DBNL: variants seen among roughly 807,000 people sequenced by gnomAD.
DBNL encodes the protein drebrin-like protein.
Under a neutral mutation model 62.2 loss-of-function variants are expected in DBNL, and 35 were observed. The observed-to-expected ratio is 0.56, with a 90% CI of 0.43 to 0.75. DBNL has a LOEUF of 0.75. Ranked by LOEUF, DBNL falls within the 30% of genes least tolerant of loss-of-function variation. The pLI, the probability that DBNL is intolerant of heterozygous loss-of-function variation, is 0.00. For missense variants in DBNL, 495 were observed against 578.4 expected (o/e 0.86, Z 1.48); for synonymous variants, 197 against 218.0 (o/e 0.90, Z 0.85).
chr7:44,054,741 T>G (rs951130774), intron 4 of DBNL, among the ~76,000 whole-genome samples: 2 of 152,228 alleles, frequency 1.3e-5, no homozygotes, highest in East Asian at 3.8e-4. Flanking sequence ...TTCCTTCTAT[T>G]TAACTGTACT....
rs2096153097 is a variant in DBNL at position 44,063,488 on chromosome 7, C to T, written c.*2572C>T. 1 of 184,344 alleles carries T rather than the reference C, an allele frequency of 5.4e-6. No homozygotes were observed. Among genetic ancestry groups the T allele is most frequent in the Non-Finnish European group, 1.2e-5 (1 of 86,222 alleles). 11.4% of individuals were successfully genotyped at this position (184,344 alleles called of 1,614,324 possible). ...TAGAAACGGGTTTTACCATGTTGGT[C>T]AGGCTGGTCTCAAACTCCTGACCTC... On this transcript the variant is annotated 3_prime_UTR_variant, in exon 13 of 13. Coordinates refer to ENST00000448521, the MANE Select transcript of DBNL (RefSeq NM_001014436.3).
rs1376604571 is a variant in DBNL, at chr7:44,067,959, G to A, written c.*7043G>A. ...AAGAGCTCCAGGAAGAATCAGAGGA[G>A]TGGGATGTGAAGCCCCTCGAAGTCA... On this transcript the variant is annotated 3_prime_UTR_variant, in exon 13 of 13. Coordinates refer to ENST00000448521, the MANE Select transcript of DBNL (RefSeq NM_001014436.3). 1 of 152,242 alleles carries A rather than the reference G, an allele frequency of 6.6e-6. No homozygotes were observed. Among genetic ancestry groups the A allele is most frequent in the East Asian group, 1.9e-4 (1 of 5,200 alleles). The allele number at this position is 152,242 out of a possible 1,614,324, so 9.4% of individuals were successfully genotyped here.
Position 44,064,759 on chromosome 7 carries a change from A to G in DBNL, c.*3843A>G. The G allele has an allele frequency of 1.5e-6, 2 of 1,335,880 alleles. No individual in the cohort carries two copies. The highest frequency in any genetic ancestry group is 1.0e-6 in the Non-Finnish European group (1 of 962,362). The allele number at this position is 1,335,880 out of a possible 1,614,324, so 82.8% of individuals were successfully genotyped here. A position where few individuals can be genotyped will look rare whatever the true frequency, so the allele number is the denominator to read the frequency against. ...AGAAAGCCTGGTCCATGGGCGAGAG[A>G]CTTTGCTGAGATGAGAAGCCAGCTG... On this transcript the variant is annotated 3_prime_UTR_variant, in exon 13 of 13. Transcript: ENST00000448521.
intron 5 of DBNL, among the ~76,000 whole-genome samples, chr7:44,057,364 C>T (rs978789286): frequency 2.6e-5 from 4 of 152,226 alleles, no homozygotes; most frequent in Admixed American, 6.5e-5. Context: ...CTGGGAGCTG[C>T]GTCCGCATGC....
rs759827542 is a variant in DBNL at position 44,065,440 on chromosome 7, C to A, written c.*4524C>A. ...TGGCCTCCTCGGTCCCCTTTTCACT[C>A]AGCTCTGCATCGAACCAGCCACAGA... On this transcript the variant is annotated 3_prime_UTR_variant, in exon 13 of 13. Transcript: ENST00000448521. 6.2e-7 allele frequency: 1 copy of A among 1,614,126 alleles called. No individual in the cohort carries two copies. Among genetic ancestry groups the A allele is most frequent in the South Asian group, 1.1e-5 (1 of 91,080 alleles).
In DBNL at chr7:44,065,249, C is replaced by T. The variant is rs1438105988; in HGVS notation, c.*4333C>T. On this transcript the variant is annotated 3_prime_UTR_variant, in exon 13 of 13. Coordinates refer to ENST00000448521, the MANE Select transcript of DBNL (RefSeq NM_001014436.3). ...TTCTGCCTTGTTGAGGCCTGTGAGG[C>T]CCCCGTAATGCCGCTCATTGAGGCG... 6.9e-5 allele frequency: 111 copies of T among 1,613,700 alleles called. No individual in the cohort carries two copies. Among genetic ancestry groups the T allele is most frequent in the Non-Finnish European group, 8.7e-5 (103 of 1,180,054 alleles).
intron 1 of DBNL, 149 bp downstream of exon 1, chr7:44,044,969 C>G (rs969075011): frequency 4.9e-5 from 33 of 679,928 alleles, no homozygotes; most frequent in Non-Finnish European, 4.5e-5. Context: ...TGCCCCTCCA[C>G]ACCGCAGCAG....
At chr7:44,052,978 C>A in intron 4 of DBNL, 37 bp downstream of exon 4, 1 of 1,600,858 alleles carries the variant, frequency 6.2e-7, no homozygotes, top group Non-Finnish European at 8.5e-7. Context: ...TGGGAACAGG[C>A]CTCACAGGCT....
At position 44,056,765 on chromosome 7, in the gene DBNL, T is replaced by C. The variant is rs1277071233; in HGVS notation, c.336T>C (p.His112=). Residue 112 remains histidine, a synonymous_variant, in exon 5 of 13, where the codon CAT becomes CAC. Coordinates refer to ENST00000448521, the MANE Select transcript of DBNL (RefSeq NM_001014436.3). ...TGCTGCTCCTGCTGCAGGGGGCCCA[T>C]GTGACCATCAACGCACGGGCCGAGG... ...STMASFLKGA[H]VTINARAEED... is the part of the protein sequence containing the mutation. The C allele has an allele frequency of 1.2e-6, 2 of 1,613,874 alleles. No homozygotes were observed. The highest frequency in any genetic ancestry group is 1.7e-6 in the Non-Finnish European group (2 of 1,179,992).
chr7:44,058,545 G>A, intron 8 of DBNL, 65 bp downstream of exon 8: 1 of 1,588,038 alleles, frequency 6.3e-7, no homozygotes, highest in Non-Finnish European at 8.6e-7. Context: ...CCTGATCTCG[G>A]ATTGAGGGCC....
chr7:44,062,991 C>T lies in DBNL; in HGVS notation c.*2075C>T, dbSNP rs771989973. 4.5e-5 allele frequency: 70 copies of T among 1,555,070 alleles called. No individual in the cohort carries two copies. The highest frequency in any genetic ancestry group is 6.1e-5 in the Non-Finnish European group (69 of 1,126,608). ...GTCCCCAGCCTGTTTACACAGCAGA[C>T]ACTATGTGACCTTTATGGTCCACAG... On this transcript the variant is annotated 3_prime_UTR_variant, in exon 13 of 13. Transcript: ENST00000448521.
intron 4 of DBNL, among the ~76,000 whole-genome samples, chr7:44,054,870 T>C (rs2096133352): frequency 6.6e-6 from 1 of 152,170 alleles, no homozygotes; most frequent in Non-Finnish European, 1.5e-5. Flanking sequence ...CCCACATGAG[T>C]GAGAACATGC....
chr7:44,067,438 T>TGG lies in DBNL; in HGVS notation c.*6523_*6524dup, dbSNP rs2096162047. ...TAGCCAGGGCTGGGTGCAGAAGCAG[T>TGG]GGCAAGGATCCCCCAGACCTGGGAG... is the stretch of plus-strand genomic sequence containing the variant. On this transcript the variant is annotated 3_prime_UTR_variant, in exon 13 of 13. Coordinates refer to ENST00000448521, the MANE Select transcript of DBNL (RefSeq NM_001014436.3). 1 of 152,132 alleles carries TGG rather than the reference T, an allele frequency of 6.6e-6. No homozygotes were observed. Among genetic ancestry groups the TGG allele is most frequent in the Admixed American group, 6.6e-5 (1 of 15,260 alleles). 9.4% of individuals were successfully genotyped at this position (152,132 alleles called of 1,614,324 possible). A position where few individuals can be genotyped will look rare whatever the true frequency, so the allele number is the denominator to read the frequency against.
In DBNL at chr7:44,059,996, G is replaced by T; in HGVS notation, c.1048-52G>T. ...CCTGAGCCATGTGGGGCAGAGCAGC[G>T]ATTGTGTGTAAGGGCTGAGTCTGGG... On this transcript the variant is annotated intron_variant, in intron 11 of 12. Transcript: ENST00000448521. The surrounding 1 kb of genome is among the most constrained non-coding windows in gnomAD (Gnocchi z 4.1). 1 of 1,562,276 alleles carries T rather than the reference G, an allele frequency of 6.4e-7. No homozygotes were observed. Among genetic ancestry groups the T allele is most frequent in the South Asian group, 1.1e-5 (1 of 88,180 alleles).
chr7:44,063,403 T>C lies in DBNL; in HGVS notation c.*2487T>C, dbSNP rs2096152871. 4.8e-6 allele frequency: 1 copy of C among 207,778 alleles called. No homozygotes were observed. The highest frequency in any genetic ancestry group is 7.3e-5 in the South Asian group (1 of 13,708). The allele number at this position is 207,778 out of a possible 1,614,324, so 12.9% of individuals were successfully genotyped here. A position where few individuals can be genotyped will look rare whatever the true frequency, so the allele number is the denominator to read the frequency against. On this transcript the variant is annotated 3_prime_UTR_variant, in exon 13 of 13. Transcript: ENST00000448521. The stretch of plus-strand genomic sequence containing the variant: ...GGGTTGAAGTGATTCTGCCTCAGCC[T>C]CCCAAGTAGCTGGGATTACAGGTGA...
intron 2 of DBNL, 114 bp downstream of exon 2, chr7:44,050,394 A>G: frequency 1.9e-6 from 2 of 1,078,912 alleles, no homozygotes; most frequent in South Asian, 1.3e-5. Context: ...TCCAGTGCTC[A>G]CTGGCCACTT....
rs145985559 is a variant in DBNL, at chr7:44,065,155, C to T, written c.*4239C>T. The stretch of plus-strand genomic sequence containing the variant: ...TGTAGTAGGGGTGCTTCTCGTCCAT[C>T]GGGGGCGGCGGGATGTCGAAGGAGC... On this transcript the variant is annotated 3_prime_UTR_variant, in exon 13 of 13. Coordinates refer to ENST00000448521, the MANE Select transcript of DBNL (RefSeq NM_001014436.3). 7,551 of 1,614,054 alleles carry T rather than the reference C, an allele frequency of 4.7e-3. 33 individuals carry two copies. Among genetic ancestry groups the T allele is most frequent in the Middle Eastern group, 0.026 (160 of 6,062 alleles).
Position 44,062,999 on chromosome 7 carries a change from G to C in DBNL, c.*2083G>C. ...CCTGTTTACACAGCAGACACTATGT[G>C]ACCTTTATGGTCCACAGAGCCAGTT... On this transcript the variant is annotated 3_prime_UTR_variant, in exon 13 of 13. Coordinates refer to ENST00000448521, the MANE Select transcript of DBNL (RefSeq NM_001014436.3). 6.6e-7 allele frequency: 1 copy of C among 1,517,370 alleles called. No homozygotes were observed. The highest frequency in any genetic ancestry group is 9.2e-7 in the Non-Finnish European group (1 of 1,092,446). 94.0% of individuals were successfully genotyped at this position (1,517,370 alleles called of 1,614,324 possible). A position where few individuals can be genotyped will look rare whatever the true frequency, so the allele number is the denominator to read the frequency against.
At chr7:44,049,805 C>T (rs150686961) in intron 1 of DBNL, 38 of 160,996 alleles carry the variant, frequency 2.4e-4, no homozygotes, top group African/African-American at 7.9e-4. Context: ...ACTTGCTTCT[C>T]CTTTTGGGTG....
Sources: allele counts gnomAD v4.1 joint callset (sites outside exome capture counted in the v4.1 genomes callset), GRCh38; gene constraint gnomAD v4.1.1; non-coding constraint Gnocchi (gnomAD v3.1); transcripts MANE v1.5; gene names NCBI Gene and HGNC (gene_info 2026-07-23, HGNC 2026-07-21).